Variants in CASP4 observed in about 807,000 individuals in gnomAD.
CASP4 encodes caspase 4.
In CASP4, 29 loss-of-function variants were observed where a neutral mutation model predicts 41.3. The observed-to-expected ratio is 0.70, with a 90% CI of 0.52 to 0.96. The LOEUF is 0.96. Among genes scored for constraint, CASP4 ranks in the 40% least tolerant of loss-of-function variants. The pLI is 0.00. For synonymous variants in CASP4, 185 were observed against 158.4 expected, an observed-to-expected ratio of 1.17 and a Z score of -1.26; for missense variants, 447 against 460.6, an observed-to-expected ratio of 0.97 and a Z score of 0.27.
In CASP4 at chr11:104,942,924, G is replaced by A. The variant is rs1399671673; in HGVS notation, c.*55C>T. The A allele has an allele frequency of 6.6e-6, 3 of 456,076 alleles. No homozygotes were observed. The Admixed American group carries it at 7.0e-5, about 11-fold the overall frequency. The allele number at this position is 456,076 out of a possible 1,614,324, so 28.3% of individuals were successfully genotyped here. A position where few individuals can be genotyped will look rare whatever the true frequency, so the allele number is the denominator to read the frequency against. Reference sequence around the variant, plus strand: ...TGTTAAATATGCAAGCTGTACTAATGAAGGTGCTCCTTGAAGTTGATTAAG... The same window carrying A: ...TGTTAAATATGCAAGCTGTACTAATAAAGGTGCTCCTTGAAGTTGATTAAG... On this transcript the variant is annotated 3_prime_UTR_variant, in exon 9 of 9. Transcript: ENST00000444739.
Position 104,968,537 on chromosome 11 carries a change from T to G in CASP4, c.-12A>C, listed in dbSNP as rs145262923. The stretch of plus-strand genomic sequence containing the variant: ...GACTCACCTGCCATAGGGAACAGCC[T>G]CTGTCCTTTTTTACAGCGTTGGAAA... On this transcript the variant is annotated 5_prime_UTR_variant, in exon 1 of 9. Transcript: ENST00000444739. 1.9e-6 allele frequency: 3 copies of G among 1,613,118 alleles called. No homozygotes were observed. The highest frequency in any genetic ancestry group is 3.3e-4 in the Middle Eastern group (2 of 6,050).
chr11:104,956,432 A>G (rs1860738711), intron 1 of CASP4, among the ~76,000 whole-genome samples: 1 of 152,106 alleles, frequency 6.6e-6, no homozygotes, highest in African/African-American at 2.4e-5. Context: ...CAAAAATTCC[A>G]TATAAAACAT....
At position 104,947,145 on chromosome 11, in the gene CASP4, G is replaced by A; in HGVS notation, c.973C>T (p.Gln325Ter). 6.2e-7 allele frequency: 1 copy of A among 1,613,072 alleles called. No homozygotes were observed. The highest frequency in any genetic ancestry group is 8.5e-7 in the Non-Finnish European group (1 of 1,179,232). ...TATTTCTGGAAGCATGTGATGAGTT[G>A]TGTGATGAAGATAGAGCCCATTGTG... ...DSTMGSIFITQLITCFQKYSW... is the reference protein window; with the variant it reads ...DSTMGSIFIT The change falls in exon 7 of 9, where the codon CAA becomes TAA. Residue 325 changes from glutamine to a stop codon, truncating the protein, a stop_gained. Transcript: ENST00000444739. LOFTEE classifies it high-confidence loss of function.
rs367747429 is a variant in CASP4 at position 104,949,701 on chromosome 11, A to G, written c.623T>C (p.Met208Thr). 16 of 1,613,870 alleles carry G rather than the reference A, an allele frequency of 9.9e-6. No homozygotes were observed. Among genetic ancestry groups the G allele is most frequent in the African/African-American group, 1.3e-5 (1 of 74,920 alleles). ...KSSDSTFLVL[M>T]SHGILEGICG... ...GATTCCCTCCAGGATGCCATGAGAC[A>G]TGAGTACCAAGAATGTGCTGTCAGA... The change falls in exon 5 of 9, where the codon ATG (methionine) becomes ACG (threonine). Residue 208 changes from methionine (M) to threonine (T), a missense_variant. Transcript: ENST00000444739.
intron 1 of CASP4, among the ~76,000 whole-genome samples, chr11:104,958,820 G>A (rs1860794425): frequency 6.6e-6 from 1 of 151,962 alleles, no homozygotes; most frequent in African/African-American, 2.4e-5. Context: ...AATTAGCCGA[G>A]CGTGGTGGTG....
chr11:104,951,570 A>C, intron 3 of CASP4: 1 of 360,254 alleles, frequency 2.8e-6, no homozygotes, highest in Non-Finnish European at 5.2e-6. Context: ...GCAACCAATT[A>C]CAAGTCAGCT....
At chr11:104,956,738 A>AC in intron 1 of CASP4, 29 of 531,634 alleles carry the variant, frequency 5.5e-5, no homozygotes, top group South Asian at 1.7e-4. Context: ...AACATCAGGT[A>AC]CAGATGTTGC....
chr11:104,951,184 C>T, intron 3 of CASP4, 86 bp from the exon 4 acceptor site: 1 of 1,110,996 alleles, frequency 9.0e-7, no homozygotes, highest in Non-Finnish European at 1.3e-6. Context: ...TTTTTCAAGT[C>T]TTCATGCAGC....
intron 1 of CASP4, among the ~76,000 whole-genome samples, chr11:104,962,356 C>T (rs1475739298): frequency 6.6e-6 from 1 of 152,090 alleles, no homozygotes; most frequent in African/African-American, 2.4e-5. Flanking sequence ...TCTGTGTAAA[C>T]AGTAAACATC....
At chr11:104,946,416 T>C (rs1233002914) in intron 7 of CASP4, among the ~76,000 whole-genome samples, 2 of 152,104 alleles carry the variant, frequency 1.3e-5, no homozygotes, top group Admixed American at 6.6e-5. Flanking sequence ...AGTGAGTAAA[T>C]ACAAGTAAAA....
Position 104,954,948 on chromosome 11 carries a change from A to T in CASP4, c.61T>A (p.Phe21Ile). 1 of 1,613,702 alleles carries T rather than the reference A, an allele frequency of 6.2e-7. No individual in the cohort carries two copies. Among genetic ancestry groups the T allele is most frequent in the Non-Finnish European group, 8.5e-7 (1 of 1,179,730 alleles). ...AAGTTATCCAAAACACCAGTGAGGA[A>T]ATCTTTGCCCAGGGATTCCAACACC... ...LKVLESLGKD[F>I]LTGVLDNLVE... The change falls in exon 2 of 9, where the codon TTC (phenylalanine) becomes ATC (isoleucine). Residue 21 changes from phenylalanine to isoleucine, a missense_variant. Phe to Ile is a conservative substitution (Grantham distance 21). Transcript: ENST00000444739.
chr11:104,945,276 G>T, intron 7 of CASP4, among the ~76,000 whole-genome samples: 1 of 147,748 alleles, frequency 6.8e-6, no homozygotes, highest in African/African-American at 2.5e-5. Context: ...TTTTTAAGAT[G>T]GAGTCTTGCA....
chr11:104,948,190 T>C (rs1214166599), intron 6 of CASP4: 1 of 163,740 alleles, frequency 6.1e-6, no homozygotes, highest in African/African-American at 2.4e-5. Context: ...GCACTGCTCA[T>C]TGTAGAATCA....
At chr11:104,957,951 G>A (rs1860771909) in intron 1 of CASP4, among the ~76,000 whole-genome samples, 1 of 152,014 alleles carries the variant, frequency 6.6e-6, no homozygotes, top group Non-Finnish European at 1.5e-5. Context: ...GAAACAGAGA[G>A]CAAATGAACA....
rs1860594625 is a variant in CASP4 at position 104,950,916 on chromosome 11, G to T, written c.546+9C>A. 6.2e-7 allele frequency: 1 copy of T among 1,609,078 alleles called. No individual in the cohort carries two copies. Among genetic ancestry groups the T allele is most frequent in the African/African-American group, 1.3e-5 (1 of 74,686 alleles). ...ATGTATGTGTTTGTGGCGGCTGAGGGATTCTTACCCTGGCTGTCAGATTCT... is the reference window on the plus strand; with the variant it reads ...ATGTATGTGTTTGTGGCGGCTGAGGTATTCTTACCCTGGCTGTCAGATTCT... On this transcript the variant is annotated intron_variant, in intron 4 of 8. Transcript: ENST00000444739.
At chr11:104,964,689 T>C (rs1358206067) in intron 1 of CASP4, among the ~76,000 whole-genome samples, 1 of 152,160 alleles carries the variant, frequency 6.6e-6, no homozygotes, top group Non-Finnish European at 1.5e-5. Flanking sequence ...ACAGAGTCCT[T>C]GTACAAGGTT....
At chr11:104,951,665 C>A (rs1860615733) in intron 3 of CASP4, 1 of 558,050 alleles carries the variant, frequency 1.8e-6, no homozygotes, top group East Asian at 3.1e-5. Context: ...AATACAGGAG[C>A]AATAGAAATA....
At chr11:104,944,953 C>T in intron 7 of CASP4, 102 bp from the exon 8 acceptor site, 1 of 810,634 alleles carries the variant, frequency 1.2e-6, no homozygotes, top group South Asian at 1.5e-5. Context: ...AGTGAGCTTG[C>T]AGGTTTCATA....
chr11:104,954,061 A>G (rs1441245209), intron 2 of CASP4, among the ~76,000 whole-genome samples: 1 of 152,160 alleles, frequency 6.6e-6, no homozygotes, highest in East Asian at 1.9e-4. Context: ...GATTACTGTT[A>G]TTAATTGGTG....
Sources: allele counts gnomAD v4.1 joint callset (sites outside exome capture counted in the v4.1 genomes callset), GRCh38; gene constraint gnomAD v4.1.1; transcripts MANE v1.5; gene names NCBI Gene and HGNC (gene_info 2026-07-23, HGNC 2026-07-21).